The following ZNF385D variants were observed in gnomAD, a reference collection of about 807,000 sequenced individuals.
ZNF385D encodes the protein zinc finger protein 385D.
Under a neutral mutation model 35.8 loss-of-function variants are expected in ZNF385D, and 15 were observed. The ratio of observed to expected loss-of-function variants is 0.42; its 90% CI spans 0.28 to 0.64. The LOEUF (loss-of-function observed/expected upper bound fraction) is 0.64, where lower values mean the gene tolerates loss of function less well. Among genes scored for constraint, ZNF385D ranks in the 30% least tolerant of loss-of-function variants. ZNF385D has a pLI of 0.23. For missense variants in ZNF385D, 474 were observed against 494.6 expected, an observed-to-expected ratio of 0.96 and a Z score of 0.39; for synonymous variants, 212 against 186.8, an observed-to-expected ratio of 1.13 and a Z score of -1.10.
chr3:21,489,519 G>A (rs192116692), intron 4 of ZNF385D, among the ~76,000 whole-genome samples: 2 of 152,242 alleles, frequency 1.3e-5, no homozygotes, highest in East Asian at 3.9e-4. Flanking sequence ...TTAGGGGATA[G>A]AGTTTTAAAG....
rs538418086 is a variant in ZNF385D, at chr3:21,474,018, G to GTA, written c.440-36817_440-36816dup. Among the ~76,000 whole-genome samples, 3 of 151,986 alleles carry GTA rather than the reference G, an allele frequency of 2.0e-5. No individual in the cohort carries two copies. The South Asian group carries it at 6.2e-4, about 32-fold the overall frequency. ...TAGATATGTGTATATATGTGTGTGT[G>GTA]TATATATATGTATCTTATATATTAT... On this transcript the variant is annotated intron_variant, in intron 4 of 7. Coordinates refer to ENST00000281523, the MANE Select transcript of ZNF385D (RefSeq NM_024697.3).
At chr3:22,168,173 C>T (rs184519126) in intron 3 of ZNF385D, among the ~76,000 whole-genome samples, 4 of 152,236 alleles carry the variant, frequency 2.6e-5, no homozygotes, top group Admixed American at 6.5e-5. Context: ...TCTCTAAAGT[C>T]TCCTCTGTAC....
chr3:21,961,018 A>G (rs1702558019), intron 3 of ZNF385D, among the ~76,000 whole-genome samples: 1 of 152,122 alleles, frequency 6.6e-6, no homozygotes. Context: ...ATAGGTTGAT[A>G]TGGTTAACTA....
At chr3:21,532,079 G>T (rs1215346894) in intron 3 of ZNF385D, among the ~76,000 whole-genome samples, 1 of 152,086 alleles carries the variant, frequency 6.6e-6, no homozygotes, top group East Asian at 1.9e-4. Context: ...GAGAGAAAGA[G>T]AGAGAGAGAG....
chr3:21,574,414 C>G (rs1260339142), intron 2 of ZNF385D, among the ~76,000 whole-genome samples: 3 of 152,090 alleles, frequency 2.0e-5, no homozygotes, highest in Non-Finnish European at 4.4e-5. Flanking sequence ...ACTAAAGATA[C>G]CTCAGAGACA....
chr3:21,703,658 CT>C (rs1340898444), intron 1 of ZNF385D, among the ~76,000 whole-genome samples: 2 of 93,896 alleles, frequency 2.1e-5, no homozygotes, highest in African/African-American at 6.8e-5. Flanking sequence ...GCTCTTTATC[CT>C]CTTACAAAAA....
chr3:22,172,535 C>G (rs1308789326), intron 2 of ZNF385D, among the ~76,000 whole-genome samples: 2 of 152,202 alleles, frequency 1.3e-5, no homozygotes, highest in African/African-American at 4.8e-5. Context: ...AAAGGACCAG[C>G]TGTTGGTATC....
chr3:22,173,025 T>G (rs943185187), intron 2 of ZNF385D, among the ~76,000 whole-genome samples: 9 of 152,244 alleles, frequency 5.9e-5, no homozygotes, highest in African/African-American at 9.6e-5. Context: ...ACAGGTCACA[T>G]TGATAGCAAG....
intron 3 of ZNF385D, among the ~76,000 whole-genome samples, chr3:21,976,242 C>A (rs1273121370): frequency 6.6e-6 from 1 of 152,098 alleles, no homozygotes. Context: ...AATGACAACA[C>A]ATTTTTTTTA....
intron 3 of ZNF385D, among the ~76,000 whole-genome samples, chr3:21,931,463 G>A (rs1270982127): frequency 2.0e-5 from 3 of 152,036 alleles, no homozygotes; most frequent in Admixed American, 6.5e-5. Flanking sequence ...AATGAAAAAC[G>A]TATGTCCACA....
At chr3:21,472,263 G>A (rs1703941648) in intron 4 of ZNF385D, among the ~76,000 whole-genome samples, 1 of 152,056 alleles carries the variant, frequency 6.6e-6, no homozygotes, top group Non-Finnish European at 1.5e-5. Flanking sequence ...AAATTTAGAA[G>A]CATAACAAGA....
chr3:22,368,656 C>T (rs1474326033), intron 2 of ZNF385D, among the ~76,000 whole-genome samples: 1 of 152,132 alleles, frequency 6.6e-6, no homozygotes, highest in Non-Finnish European at 1.5e-5. Context: ...CTTCACATGA[C>T]AAAGAAAGGG....
chr3:21,567,119 C>T (rs1361875350), intron 2 of ZNF385D, among the ~76,000 whole-genome samples: 1 of 146,308 alleles, frequency 6.8e-6, no homozygotes, highest in East Asian at 1.9e-4. Flanking sequence ...TGTATTTATC[C>T]ATTTGCCATC....
intron 3 of ZNF385D, among the ~76,000 whole-genome samples, chr3:22,072,103 A>C (rs925046543): frequency 3.3e-5 from 5 of 152,100 alleles, no homozygotes; most frequent in Non-Finnish European, 5.9e-5. Context: ...AACTATGATG[A>C]AATTAGGCAT....
intron 2 of ZNF385D, among the ~76,000 whole-genome samples, chr3:22,304,506 A>T (rs1703096766): frequency 6.6e-6 from 1 of 152,140 alleles, no homozygotes; most frequent in African/African-American, 2.4e-5. Context: ...ATAACCATCA[A>T]ATCTATCTGA....
At chr3:21,488,042 G>A (rs929192836) in intron 4 of ZNF385D, among the ~76,000 whole-genome samples, 3 of 151,686 alleles carry the variant, frequency 2.0e-5, no homozygotes, top group Non-Finnish European at 2.9e-5. Context: ...ATGGGTGGAC[G>A]TATTTGAAAA....
chr3:22,172,133 C>T (rs773122339), intron 2 of ZNF385D, among the ~76,000 whole-genome samples: 1 of 152,038 alleles, frequency 6.6e-6, no homozygotes, highest in Non-Finnish European at 1.5e-5. Context: ...ACTTTTTTCC[C>T]TCCTAACCTT....
At chr3:21,579,270 TCTATTCTGTTACCAGCTGTATC>T (rs1185749396) in intron 2 of ZNF385D, 7 of 152,224 alleles carry the variant, frequency 4.6e-5, no homozygotes, top group Non-Finnish European at 8.8e-5. Context: ...ATTCCAGAAA[TCTATTCTGTTACCAGCTGTATC>T]AGAATTCCAC....
At chr3:21,851,972 C>T (rs578232186) in intron 3 of ZNF385D, among the ~76,000 whole-genome samples, 1 of 152,002 alleles carries the variant, frequency 6.6e-6, no homozygotes, top group Admixed American at 6.6e-5. Flanking sequence ...TTATTACTGT[C>T]TGATATTGTT....
Sources: allele counts gnomAD v4.1 joint callset (sites outside exome capture counted in the v4.1 genomes callset), GRCh38; gene constraint gnomAD v4.1.1; transcripts MANE v1.5; gene names NCBI Gene and HGNC (gene_info 2026-07-23, HGNC 2026-07-21).